Variants in GATAD2B observed in about 807,000 individuals in gnomAD.
GATAD2B encodes the protein transcriptional repressor p66-beta.
Under a neutral mutation model 64.3 loss-of-function variants are expected in GATAD2B, and 8 were observed. The observed-to-expected ratio is 0.12, with a 90% CI of 0.07 to 0.22. The LOEUF (loss-of-function observed/expected upper bound fraction) is 0.22, where lower values mean the gene tolerates loss of function less well. Among genes scored for constraint, GATAD2B ranks in the 10% least tolerant of loss-of-function variants. GATAD2B has a pLI of 1.00. For synonymous variants in GATAD2B, 281 were observed against 271.3 expected (o/e 1.04, Z -0.35); for missense variants, 453 against 752.0 (o/e 0.60, Z 4.65).
intron 1 of GATAD2B, among the ~76,000 whole-genome samples, chr1:153,854,957 TA>T (rs976650652): frequency 3.9e-4 from 59 of 151,014 alleles, no homozygotes; most frequent in African/African-American, 8.7e-4. Flanking sequence ...AAAGTTGATA[TA>T]AAAAAAAAGA....
chr1:153,864,166 TA>T (rs1322579855), intron 1 of GATAD2B, among the ~76,000 whole-genome samples: 1 of 152,192 alleles, frequency 6.6e-6, no homozygotes, highest in African/African-American at 2.4e-5. Flanking sequence ...AAACATGTTG[TA>T]AGTGATACAT....
Position 153,818,158 on chromosome 1 carries a change from T to C in GATAD2B, c.611A>G (p.Gln204Arg). The C allele has an allele frequency of 6.2e-7, 1 of 1,608,220 alleles. No homozygotes were observed. The highest frequency in any genetic ancestry group is 1.7e-5 in the Admixed American group (1 of 58,630). The change falls in exon 5 of 11, where the codon CAG (glutamine) becomes CGG (arginine). Residue 204 changes from glutamine to arginine, a missense_variant. Gln to Arg is a conservative substitution (Grantham distance 43). Transcript: ENST00000368655. ...TGGCTGAACAATAGATGCTGCATTC[T>C]GTACAACTGGAGTCTGGGAGAGGGA... ...ENVVQKTPVV[Q>R]NAASIVQPSP...
At chr1:153,821,369 C>A (rs1408427416) in intron 2 of GATAD2B, among the ~76,000 whole-genome samples, 3 of 151,998 alleles carry the variant, frequency 2.0e-5, no homozygotes, top group Admixed American at 6.6e-5. Context: ...CTAAAATCAA[C>A]CAAACTTAGG....
intron 1 of GATAD2B, among the ~76,000 whole-genome samples, chr1:153,897,777 T>A (rs988972437): frequency 6.6e-6 from 1 of 152,096 alleles, no homozygotes; most frequent in Non-Finnish European, 1.5e-5. Context: ...CCAATATATT[T>A]AAAAAAATTT....
At chr1:153,852,193 G>T in intron 1 of GATAD2B, 2 of 933,998 alleles carry the variant, frequency 2.1e-6, no homozygotes, top group South Asian at 1.4e-5. Flanking sequence ...AGTCAGTTGA[G>T]GGTGAAAGGG....
intron 2 of GATAD2B, among the ~76,000 whole-genome samples, chr1:153,824,612 T>TAAAAA (rs771879855): frequency 6.2e-5 from 6 of 96,658 alleles, no homozygotes; most frequent in Non-Finnish European, 9.5e-5. Context: ...ACTCTGCCTT[T>TAAAAA]AAAAAAAAAA....
At chr1:153,852,874 T>C in intron 1 of GATAD2B, 3 of 774,460 alleles carry the variant, frequency 3.9e-6, no homozygotes, top group Non-Finnish European at 6.9e-6. Flanking sequence ...TACCAAGAGC[T>C]CTGATTTGGT....
intron 1 of GATAD2B, chr1:153,852,162 G>T: frequency 1.3e-6 from 1 of 795,176 alleles, no homozygotes; most frequent in Non-Finnish European, 2.2e-6. Flanking sequence ...CTGCACTTTG[G>T]TCCTAAGCAT....
intron 1 of GATAD2B, among the ~76,000 whole-genome samples, chr1:153,898,308 A>AC (rs1231295592): frequency 1.7e-4 from 25 of 145,678 alleles, no homozygotes; most frequent in Admixed American, 6.8e-5. Flanking sequence ...GCCTGTCTCA[A>AC]AAAAAAAAAA....
intron 1 of GATAD2B, among the ~76,000 whole-genome samples, chr1:153,917,912 T>G (rs1221430892): frequency 6.6e-6 from 1 of 152,208 alleles, no homozygotes; most frequent in Non-Finnish European, 1.5e-5. Context: ...AATACAATTT[T>G]AAAGAAAGGA....
rs1424771367 is a variant in GATAD2B at position 153,898,905 on chromosome 1, G to A, written c.-2+23828C>T. 2.6e-5 allele frequency: 4 copies of A among 152,272 alleles called. No homozygotes were observed. The East Asian group carries it at 5.8e-4, about 22-fold the overall frequency. 9.4% of individuals were successfully genotyped at this position (152,272 alleles called of 1,614,324 possible). ...AAAACAGTATGACCCTGCTGATGTA[G>A]CTGTGTTTGGCTCTCTGCCTCTGCC... is the stretch of plus-strand genomic sequence containing the variant. On this transcript the variant is annotated intron_variant, in intron 1 of 10. Coordinates refer to ENST00000368655, the MANE Select transcript of GATAD2B (RefSeq NM_020699.4).
At chr1:153,900,171 A>G (rs551298877) in intron 1 of GATAD2B, among the ~76,000 whole-genome samples, 4 of 152,172 alleles carry the variant, frequency 2.6e-5, no homozygotes. Flanking sequence ...TAATCCCAGC[A>G]CTTTGGGAGG....
At position 153,819,741 on chromosome 1, in the gene GATAD2B, C is replaced by A. The variant is rs371216147; in HGVS notation, c.336-6G>T. ...GCCTTCCTCGCTCTGGCTCACTAGACAAGAAAGGGAAAAAATAAGCTATTT... is the reference window on the plus strand; with the variant it reads ...GCCTTCCTCGCTCTGGCTCACTAGAAAAGAAAGGGAAAAAATAAGCTATTT... On this transcript the variant is annotated splice_polypyrimidine_tract_variant and splice_region_variant and intron_variant, in intron 2 of 10. Transcript: ENST00000368655. 2.7e-5 allele frequency: 43 copies of A among 1,575,196 alleles called. No homozygotes were observed. Among genetic ancestry groups the A allele is most frequent in the Non-Finnish European group, 3.7e-5 (43 of 1,166,586 alleles).
intron 1 of GATAD2B, among the ~76,000 whole-genome samples, chr1:153,872,316 C>CAAAA (rs779386978): frequency 1.7e-4 from 10 of 58,712 alleles, no homozygotes; most frequent in Non-Finnish European, 2.5e-4. Context: ...ACTCTGTCTC[C>CAAAA]AAAAAAAAAA....
intron 1 of GATAD2B, among the ~76,000 whole-genome samples, chr1:153,867,524 A>C (rs1359851148): frequency 6.6e-6 from 1 of 152,000 alleles, no homozygotes; most frequent in African/African-American, 2.4e-5. Context: ...AAATAAATAA[A>C]TAAAATCAAG....
At position 153,807,453 on chromosome 1, in the gene GATAD2B, A is replaced by C. The variant is rs1452201301; in HGVS notation, c.*2724T>G. 6.6e-6 allele frequency: 1 copy of C among 152,228 alleles called. No individual in the cohort carries two copies. 9.4% of individuals were successfully genotyped at this position (152,228 alleles called of 1,614,324 possible). A position where few individuals can be genotyped will look rare whatever the true frequency, so the allele number is the denominator to read the frequency against. The stretch of plus-strand genomic sequence containing the variant: ...TGATTAGGGAGACCTCACCTCCATC[A>C]CTAATCCCTGGGAAGAGTATGAAAA... On this transcript the variant is annotated 3_prime_UTR_variant, in exon 11 of 11. Coordinates refer to ENST00000368655, the MANE Select transcript of GATAD2B (RefSeq NM_020699.4).
chr1:153,840,927 C>T (rs1257190863), intron 1 of GATAD2B, among the ~76,000 whole-genome samples: 1 of 151,922 alleles, frequency 6.6e-6, no homozygotes, highest in Non-Finnish European at 1.5e-5. Flanking sequence ...CGATCAAGAC[C>T]ATCCTGGCTG....
intron 1 of GATAD2B, among the ~76,000 whole-genome samples, chr1:153,897,812 G>A (rs1677642708): frequency 6.6e-6 from 1 of 151,988 alleles, no homozygotes; most frequent in Non-Finnish European, 1.5e-5. Context: ...TGAAAACGAT[G>A]CACTTCCTCA....
At position 153,819,735 on chromosome 1, in the gene GATAD2B, A is replaced by G. The variant is rs948558355; in HGVS notation, c.336T>C (p.Ser112=). 6.3e-7 allele frequency: 1 copy of G among 1,590,314 alleles called. No homozygotes were observed. Among genetic ancestry groups the G allele is most frequent in the South Asian group, 1.2e-5 (1 of 86,044 alleles). ...GAGTTAGCCTTCCTCGCTCTGGCTCACTAGACAAGAAAGGGAAAAAATAAG... is the reference window on the plus strand; with the variant it reads ...GAGTTAGCCTTCCTCGCTCTGGCTCGCTAGACAAGAAAGGGAAAAAATAAG... The part of the protein sequence containing the change: ...DEPVDMSARR[S]EPERGRLTPS... Residue 112 remains serine (S), a splice_region_variant and synonymous_variant, in exon 3 of 11, where the codon AGT becomes AGC. Transcript: ENST00000368655.
Sources: allele counts gnomAD v4.1 joint callset (sites outside exome capture counted in the v4.1 genomes callset), GRCh38; gene constraint gnomAD v4.1.1; transcripts MANE v1.5; gene names NCBI Gene and HGNC (gene_info 2026-07-23, HGNC 2026-07-21).